The following ATRNL1 variants were observed in gnomAD, a reference collection of about 807,000 sequenced individuals.
The protein encoded by ATRNL1 is attractin-like protein 1.
ATRNL1 carries 95 observed loss-of-function variants against 182.7 expected under a neutral mutation model. That is an observed-to-expected ratio of 0.52 (90% confidence interval 0.44 to 0.62). The LOEUF (loss-of-function observed/expected upper bound fraction) is 0.62. Ranked by LOEUF, ATRNL1 falls within the 20% of genes least tolerant of loss-of-function variation. The pLI is 0.00. For missense variants in ATRNL1, 1,471 were observed against 1,679.5 expected (o/e 0.88, Z 2.17); for synonymous variants, 576 against 568.3 (o/e 1.01, Z -0.19).
At chr10:115,185,063 G>GA (rs1442251848) in intron 8 of ATRNL1, among the ~76,000 whole-genome samples, 5 of 151,796 alleles carry the variant, frequency 3.3e-5, no homozygotes, top group African/African-American at 1.2e-4. Flanking sequence ...TGAAATGGGG[G>GA]AGTCAAGGAA....
intron 19 of ATRNL1, among the ~76,000 whole-genome samples, chr10:115,346,471 A>G (rs1453196849): frequency 1.3e-5 from 2 of 152,166 alleles, no homozygotes; most frequent in Non-Finnish European, 2.9e-5. Flanking sequence ...ATAATGTTTC[A>G]TTATGTATTA....
intron 26 of ATRNL1, among the ~76,000 whole-genome samples, chr10:115,627,904 A>G (rs1858208848): frequency 6.6e-6 from 1 of 152,100 alleles, no homozygotes; most frequent in South Asian, 2.1e-4. Flanking sequence ...GAAATGAACC[A>G]TGTTGGCTGA....
At chr10:115,505,940 G>A (rs1211511615) in intron 24 of ATRNL1, among the ~76,000 whole-genome samples, 2 of 151,392 alleles carry the variant, frequency 1.3e-5, no homozygotes, top group African/African-American at 2.4e-5. Context: ...CCAAACCCAG[G>A]GTGTCCTGGT....
At chr10:115,144,272 G>A (rs896809878) in intron 5 of ATRNL1, among the ~76,000 whole-genome samples, 11 of 151,854 alleles carry the variant, frequency 7.2e-5, no homozygotes, top group Admixed American at 1.3e-4. Flanking sequence ...CTCAGCCTCC[G>A]GAGTAGCTGG....
chr10:115,631,192 A>G (rs1235525455), intron 26 of ATRNL1, among the ~76,000 whole-genome samples: 2 of 152,054 alleles, frequency 1.3e-5, no homozygotes, highest in Admixed American at 1.3e-4. Flanking sequence ...TATACTCGAA[A>G]CTTACTAAGG....
intron 26 of ATRNL1, among the ~76,000 whole-genome samples, chr10:115,654,926 T>C (rs921483795): frequency 1.3e-5 from 2 of 152,216 alleles, no homozygotes; most frequent in African/African-American, 4.8e-5. Flanking sequence ...TTTCCACTTC[T>C]TGTCTCTTAG....
At chr10:115,667,175 T>C (rs1372953050) in intron 26 of ATRNL1, among the ~76,000 whole-genome samples, 1 of 152,116 alleles carries the variant, frequency 6.6e-6, no homozygotes, top group East Asian at 1.9e-4. Flanking sequence ...TTACACTTTG[T>C]CTTCCAGTAG....
chr10:115,437,710 A>T (rs1846468859), intron 21 of ATRNL1, among the ~76,000 whole-genome samples: 1 of 152,066 alleles, frequency 6.6e-6, no homozygotes, highest in Admixed American at 6.6e-5. Context: ...ATTAACAAAC[A>T]TATGAATATA....
At chr10:115,181,313 A>ATATTATATT (rs1292747193) in intron 8 of ATRNL1, among the ~76,000 whole-genome samples, 3 of 151,894 alleles carry the variant, frequency 2.0e-5, no homozygotes, top group African/African-American at 7.2e-5. Flanking sequence ...CATATGTAAT[A>ATATTATATT]GATAGGAATC....
intron 26 of ATRNL1, among the ~76,000 whole-genome samples, chr10:115,682,812 C>T (rs1555045135): frequency 6.6e-6 from 1 of 152,034 alleles, no homozygotes. Context: ...AGCTGTAGAC[C>T]TCTAAGTCAA....
chr10:115,600,151 T>C (rs1195039425), intron 26 of ATRNL1, among the ~76,000 whole-genome samples: 2 of 152,152 alleles, frequency 1.3e-5, no homozygotes, highest in African/African-American at 4.8e-5. Flanking sequence ...ATATCAGTAA[T>C]TTTATGTATT....
chr10:115,456,494 G>T (rs1344235297), intron 21 of ATRNL1, among the ~76,000 whole-genome samples: 1 of 152,048 alleles, frequency 6.6e-6, no homozygotes, highest in Admixed American at 6.6e-5. Flanking sequence ...TGGGGTGACG[G>T]GTAAGGTGAA....
chr10:115,736,172 T>A (rs1258494245), intron 27 of ATRNL1, among the ~76,000 whole-genome samples: 7 of 152,172 alleles, frequency 4.6e-5, no homozygotes, highest in Non-Finnish European at 1.0e-4. Flanking sequence ...TAAACCTCTT[T>A]CCATCTTCAC....
At chr10:115,241,932 T>C (rs1850440414) in intron 10 of ATRNL1, among the ~76,000 whole-genome samples, 1 of 152,056 alleles carries the variant, frequency 6.6e-6, no homozygotes, top group South Asian at 2.1e-4. Context: ...TAGTGGTAGA[T>C]ACAGGGAATA....
At chr10:115,580,911 A>G (rs941015701) in intron 26 of ATRNL1, among the ~76,000 whole-genome samples, 4 of 151,870 alleles carry the variant, frequency 2.6e-5, no homozygotes, top group Admixed American at 6.6e-5. Flanking sequence ...AATATTTTCT[A>G]TCATTTTGTT....
chr10:115,498,896 G>T (rs531549133), intron 24 of ATRNL1, among the ~76,000 whole-genome samples: 1 of 151,964 alleles, frequency 6.6e-6, no homozygotes, highest in Non-Finnish European at 1.5e-5. Flanking sequence ...AATTTCTAAA[G>T]TTTTAAAGAT....
At chr10:115,891,263 G>C (rs574674905) in intron 28 of ATRNL1, among the ~76,000 whole-genome samples, 1 of 152,270 alleles carries the variant, frequency 6.6e-6, no homozygotes, top group South Asian at 2.1e-4. Flanking sequence ...AGGAGAATGT[G>C]GGGTCAGGAA....
Position 115,948,139 on chromosome 10 carries a change from G to A in ATRNL1, c.*3360G>A, listed in dbSNP as rs757076535. On this transcript the variant is annotated 3_prime_UTR_variant, in exon 29 of 29. Transcript: ENST00000355044. ...TAAGATATAGGGATTTCTACAAAAC[G>A]ACTTTGACATTTAGTCAATAAAGAC... 2 of 152,110 alleles carry A rather than the reference G, an allele frequency of 1.3e-5. No individual in the cohort carries two copies. Among genetic ancestry groups the A allele is most frequent in the Non-Finnish European group, 2.9e-5 (2 of 68,012 alleles). The allele number at this position is 152,110 out of a possible 1,614,324, so 9.4% of individuals were successfully genotyped here. A position where few individuals can be genotyped will look rare whatever the true frequency, so the allele number is the denominator to read the frequency against.
At chr10:115,155,530 A>T (rs1554881827) in intron 5 of ATRNL1, among the ~76,000 whole-genome samples, 1 of 152,196 alleles carries the variant, frequency 6.6e-6, no homozygotes, top group South Asian at 2.1e-4. Flanking sequence ...AAGTTTGCCC[A>T]AGGTTTCACA....
Sources: gnomAD v4.1 joint callset for allele counts (sites outside exome capture counted in the v4.1 genomes callset) on GRCh38, gnomAD v4.1.1 for gene constraint, MANE v1.5 for transcripts, NCBI Gene and HGNC (gene_info 2026-07-23, HGNC 2026-07-21) for gene names.